RAPGEF1: variants seen among roughly 807,000 people sequenced by gnomAD.
The protein encoded by RAPGEF1 is CRK SH3-binding GNRP.
In RAPGEF1, 33 loss-of-function variants were observed where a neutral mutation model predicts 143.3. That is an observed-to-expected ratio of 0.23 (90% CI 0.17 to 0.31). The LOEUF (loss-of-function observed/expected upper bound fraction) is 0.31. Ranked by LOEUF, RAPGEF1 falls within the 10% of genes least tolerant of loss-of-function variation. RAPGEF1 has a pLI of 1.00. For synonymous variants in RAPGEF1, 629 were observed against 676.5 expected (o/e 0.93, Z 1.09); for missense variants, 1,199 against 1,645.4 (o/e 0.73, Z 4.69).
chr9:131,665,853 T>C (rs1264450194), intron 1 of RAPGEF1, among the ~76,000 whole-genome samples: 1 of 152,174 alleles, frequency 6.6e-6, no homozygotes, highest in East Asian at 1.9e-4. Flanking sequence ...CAAGGTGATA[T>C]TTGGGTCCCC....
chr9:131,708,729 T>TTTTCTTTCTTTC (rs71501266), intron 1 of RAPGEF1, among the ~76,000 whole-genome samples: 3 of 150,474 alleles, frequency 2.0e-5, no homozygotes, highest in South Asian at 2.1e-4. Flanking sequence ...GGATATTTCT[T>TTTTCTTTCTTTC]TTTCTTTCTT....
At chr9:131,634,811 AAC>A (rs1169279079) in intron 5 of RAPGEF1, among the ~76,000 whole-genome samples, 1 of 151,986 alleles carries the variant, frequency 6.6e-6, no homozygotes, top group Admixed American at 6.6e-5. Flanking sequence ...GTGCTCAAGT[AAC>A]ACAGTAAATT....
intron 12 of RAPGEF1, among the ~76,000 whole-genome samples, chr9:131,612,243 C>T (rs938325832): frequency 1.3e-5 from 2 of 152,114 alleles, no homozygotes; most frequent in African/African-American, 2.4e-5. Context: ...TTTTCCCCAC[C>T]ACCCTGACTG....
chr9:131,697,319 T>C (rs906435655), intron 1 of RAPGEF1, among the ~76,000 whole-genome samples: 4 of 152,224 alleles, frequency 2.6e-5, no homozygotes, highest in Admixed American at 6.5e-5. Context: ...TTGAACCTAA[T>C]TACTCACTGC....
At chr9:131,637,757 G>C (rs1588660220) in intron 5 of RAPGEF1, among the ~76,000 whole-genome samples, 1 of 152,312 alleles carries the variant, frequency 6.6e-6, no homozygotes, top group East Asian at 1.9e-4. Flanking sequence ...GTATTGACTA[G>C]TGTAATCTTC....
intron 1 of RAPGEF1, among the ~76,000 whole-genome samples, chr9:131,696,525 G>A (rs1001199454): frequency 6.6e-6 from 1 of 152,168 alleles, no homozygotes; most frequent in African/African-American, 2.4e-5. Flanking sequence ...ATCTTTCAAG[G>A]CTAATTCTTC....
intron 1 of RAPGEF1, among the ~76,000 whole-genome samples, chr9:131,692,807 C>CT (rs1833877294): frequency 6.6e-6 from 1 of 152,202 alleles, no homozygotes. Context: ...CAAACCTAGT[C>CT]ATGGGATGGT....
At chr9:131,646,027 T>C (rs1969501397) in intron 3 of RAPGEF1, among the ~76,000 whole-genome samples, 1 of 152,066 alleles carries the variant, frequency 6.6e-6, no homozygotes, top group Non-Finnish European at 1.5e-5. Context: ...CTGCCAGTAA[T>C]AAAGCAGAGA....
At chr9:131,702,319 T>C (rs765495274) in intron 1 of RAPGEF1, among the ~76,000 whole-genome samples, 4 of 152,322 alleles carry the variant, frequency 2.6e-5, no homozygotes, top group South Asian at 2.1e-4. Flanking sequence ...GTGATGGTAA[T>C]TGGGTACGCT....
Position 131,617,563 on chromosome 9 carries a change from A to AG in RAPGEF1, c.2061+1487dup, listed in dbSNP as rs1365350344. Reference sequence around the variant, plus strand: ...CTCGGTCCAAACTCATCATTTACAGAGGGGGAAAAAAGGCCAAACAGGTTA... The same window carrying AG: ...CTCGGTCCAAACTCATCATTTACAGAGGGGGGAAAAAAGGCCAAACAGGTTA... On this transcript the variant is annotated intron_variant, in intron 12 of 26. Coordinates refer to ENST00000683357, the MANE Select transcript of RAPGEF1 (RefSeq NM_001377935.1). 4.6e-5 allele frequency among the ~76,000 whole-genome samples: 7 copies of AG among 152,210 alleles called. No homozygotes were observed. The East Asian group carries it at 1.2e-3, about 25-fold the overall frequency.
At chr9:131,712,287 G>A (rs1835563911) in intron 1 of RAPGEF1, among the ~76,000 whole-genome samples, 2 of 152,214 alleles carry the variant, frequency 1.3e-5, no homozygotes, top group African/African-American at 2.4e-5. Flanking sequence ...CTGGCACACA[G>A]TAGGTGCTTA....
At chr9:131,721,289 G>A (rs1836247982) in intron 1 of RAPGEF1, among the ~76,000 whole-genome samples, 2 of 152,134 alleles carry the variant, frequency 1.3e-5, no homozygotes, top group South Asian at 2.1e-4. Flanking sequence ...TAATAATGAT[G>A]CCAGGACAGC....
At chr9:131,611,950 T>A (rs910737352) in intron 12 of RAPGEF1, among the ~76,000 whole-genome samples, 9 of 152,240 alleles carry the variant, frequency 5.9e-5, no homozygotes, top group African/African-American at 2.2e-4. Context: ...CAACCCTGGC[T>A]CTAGCTTAAC....
chr9:131,674,799 T>C (rs1175465296), intron 1 of RAPGEF1, among the ~76,000 whole-genome samples: 1 of 152,166 alleles, frequency 6.6e-6, no homozygotes, highest in East Asian at 1.9e-4. Flanking sequence ...TCCTGTCCCC[T>C]ACTCCTCAGA....
At chr9:131,690,743 G>C (rs897013794) in intron 1 of RAPGEF1, among the ~76,000 whole-genome samples, 3 of 152,222 alleles carry the variant, frequency 2.0e-5, no homozygotes, top group Non-Finnish European at 4.4e-5. Context: ...AGTGAGCCGA[G>C]ATTGTGCCAC....
intron 1 of RAPGEF1, among the ~76,000 whole-genome samples, chr9:131,683,755 T>C (rs1482109369): frequency 1.3e-5 from 2 of 152,372 alleles, no homozygotes; most frequent in East Asian, 3.9e-4. Context: ...GTAGCTGTAA[T>C]TGAGGTATTG....
intron 12 of RAPGEF1, among the ~76,000 whole-genome samples, chr9:131,606,350 A>G (rs536188670): frequency 3.1e-4 from 47 of 152,170 alleles, no homozygotes; most frequent in Non-Finnish European, 6.0e-4. Context: ...TGCTGCTACC[A>G]TCATGGGGAG....
At chr9:131,665,536 T>C (rs1179571371) in intron 1 of RAPGEF1, among the ~76,000 whole-genome samples, 1 of 152,020 alleles carries the variant, frequency 6.6e-6, no homozygotes, top group Non-Finnish European at 1.5e-5. Context: ...GAGTAGTCCT[T>C]ATAAGAGCTA....
intron 14 of RAPGEF1, 138 bp downstream of exon 14, chr9:131,603,823 T>C (rs1715441578): frequency 1.9e-5 from 8 of 416,112 alleles, no homozygotes; most frequent in Middle Eastern, 8.8e-4. Context: ...CCCAGCAGCC[T>C]GCAGGAGCCC....
Sources: allele counts gnomAD v4.1 joint callset (sites outside exome capture counted in the v4.1 genomes callset), GRCh38; gene constraint gnomAD v4.1.1; transcripts MANE v1.5; gene names NCBI Gene and HGNC (gene_info 2026-07-23, HGNC 2026-07-21).